PSD3: variants seen among roughly 807,000 people sequenced by gnomAD.
The protein encoded by PSD3 is pleckstrin and Sec7 domain containing 3, also known as PH and SEC7 domain-containing protein 3.
PSD3 carries 49 observed loss-of-function variants against 105.5 expected under a neutral mutation model. The ratio of observed to expected loss-of-function variants is 0.46; its 90% confidence interval spans 0.37 to 0.59. The LOEUF (loss-of-function observed/expected upper bound fraction) is 0.59, where lower values mean the gene tolerates loss of function less well. Among genes scored for constraint, PSD3 ranks in the 20% least tolerant of loss-of-function variants. The pLI is 0.00. For missense variants in PSD3, 1,561 were observed against 1,263.8 expected (o/e 1.24, Z -3.57); for synonymous variants, 557 against 457.8 (o/e 1.22, Z -2.77).
intron 9 of PSD3, among the ~76,000 whole-genome samples, chr8:18,757,769 T>C (rs1313061587): frequency 6.6e-6 from 1 of 152,228 alleles, no homozygotes; most frequent in Non-Finnish European, 1.5e-5. Context: ...CATAGGATCA[T>C]GTTACTTTCC....
chr8:18,616,836 G>T (rs1442807833), intron 11 of PSD3, among the ~76,000 whole-genome samples: 2 of 151,346 alleles, frequency 1.3e-5, no homozygotes, highest in African/African-American at 2.4e-5. Flanking sequence ...TTTTAGCCGG[G>T]ATGGTCTCGA....
chr8:18,588,702 A>T (rs2634451), intron 12 of PSD3, among the ~76,000 whole-genome samples: 50,925 of 152,164 alleles, frequency 0.33, 9,273 homozygotes, highest in Non-Finnish European at 0.43. Flanking sequence ...TTGGAGCTCT[A>T]ATCCAAGCTG....
chr8:18,820,659 A>T (rs1241124748), intron 4 of PSD3, among the ~76,000 whole-genome samples: 3 of 147,954 alleles, frequency 2.0e-5, no homozygotes, highest in East Asian at 2.1e-4. Context: ...CTTTTTTTTT[A>T]AATCTATTTT....
At chr8:19,010,785 T>A (rs1389401031) in intron 1 of PSD3, among the ~76,000 whole-genome samples, 1 of 152,040 alleles carries the variant, frequency 6.6e-6, no homozygotes, top group African/African-American at 2.4e-5. Flanking sequence ...TGTACTCTCC[T>A]AAATGAAAGC....
intron 11 of PSD3, among the ~76,000 whole-genome samples, chr8:18,631,981 G>A (rs934582878): frequency 1.3e-5 from 2 of 151,956 alleles, no homozygotes; most frequent in Non-Finnish European, 2.9e-5. Context: ...ATATAAGCAT[G>A]CTCTATTCTT....
intron 15 of PSD3, among the ~76,000 whole-genome samples, chr8:18,538,377 C>T (rs1446463123): frequency 6.6e-6 from 1 of 152,154 alleles, no homozygotes; most frequent in Non-Finnish European, 1.5e-5. Flanking sequence ...TCAGTAGATG[C>T]ACTATGAAAT....
intron 1 of PSD3, among the ~76,000 whole-genome samples, chr8:18,944,775 AT>A (rs1450591847): frequency 1.2e-4 from 18 of 151,894 alleles, no homozygotes; most frequent in African/African-American, 4.4e-4. Flanking sequence ...TTGCTTTTTT[AT>A]TTCAGTGCTC....
At chr8:18,630,310 T>C (rs1208882319) in intron 11 of PSD3, among the ~76,000 whole-genome samples, 1 of 151,942 alleles carries the variant, frequency 6.6e-6, no homozygotes, top group Non-Finnish European at 1.5e-5. Flanking sequence ...TGGTACAAGG[T>C]GTCTGTGATG....
upstream of PSD3, among the ~76,000 whole-genome samples, chr8:19,017,401 A>G (rs778478041): frequency 9.2e-5 from 14 of 152,176 alleles, no homozygotes; most frequent in Non-Finnish European, 1.5e-4. Flanking sequence ...AAACAGCTTT[A>G]TCAAGATCCA....
intron 2 of PSD3, among the ~76,000 whole-genome samples, chr8:18,915,689 A>T (rs1820535500): frequency 1.3e-5 from 2 of 152,218 alleles, no homozygotes; most frequent in Non-Finnish European, 2.9e-5. Context: ...TATCACCTCG[A>T]ATCTGTTAGA....
intron 11 of PSD3, among the ~76,000 whole-genome samples, chr8:18,617,190 T>C (rs1407706743): frequency 6.6e-6 from 1 of 152,196 alleles, no homozygotes; most frequent in African/African-American, 2.4e-5. Context: ...CATTTTACTA[T>C]GTACACACAT....
chr8:18,743,849 G>C (rs13251117), intron 9 of PSD3, among the ~76,000 whole-genome samples: 9 of 151,718 alleles, frequency 5.9e-5, no homozygotes, highest in Non-Finnish European at 1.3e-4. Context: ...CTTTGAGGGG[G>C]GAGGTTAAGG....
intron 12 of PSD3, among the ~76,000 whole-genome samples, chr8:18,580,396 T>C (rs1802735370): frequency 1.3e-5 from 2 of 152,014 alleles, no homozygotes; most frequent in Admixed American, 6.6e-5. Flanking sequence ...CCAGTAAACT[T>C]TTACAAAACC....
intron 1 of PSD3, among the ~76,000 whole-genome samples, chr8:18,946,059 G>C (rs1480680773): frequency 6.6e-6 from 1 of 152,174 alleles, no homozygotes; most frequent in Non-Finnish European, 1.5e-5. Context: ...TCATTAATGA[G>C]ATAATCACAA....
chr8:18,991,373 T>TACACACAC (rs71545538), intron 1 of PSD3, among the ~76,000 whole-genome samples: 119 of 100,078 alleles, frequency 1.2e-3, no homozygotes, highest in Middle Eastern at 5.3e-3. Flanking sequence ...CACACACACA[T>TACACACAC]ACACACACAC....
intron 2 of PSD3, among the ~76,000 whole-genome samples, chr8:18,910,128 CA>C (rs1224106095): frequency 1.3e-5 from 2 of 152,114 alleles, no homozygotes; most frequent in Non-Finnish European, 2.9e-5. Context: ...GTCTCCATCC[CA>C]TTACTGGGTA....
intron 8 of PSD3, among the ~76,000 whole-genome samples, chr8:18,798,783 T>A (rs1044247271): frequency 6.6e-6 from 1 of 152,158 alleles, no homozygotes; most frequent in Non-Finnish European, 1.5e-5. Context: ...TATATAATTA[T>A]ACATTTTAAC....
chr8:18,810,177 A>G (rs903664044), intron 4 of PSD3, among the ~76,000 whole-genome samples: 5 of 152,148 alleles, frequency 3.3e-5, no homozygotes, highest in East Asian at 1.9e-4. Context: ...TCTTAGTGCT[A>G]TCTTTTAAAA....
At chr8:18,545,600 TA>T (rs1395973111) in intron 15 of PSD3, among the ~76,000 whole-genome samples, 1 of 152,242 alleles carries the variant, frequency 6.6e-6, no homozygotes, top group Non-Finnish European at 1.5e-5. Flanking sequence ...TGCCTAAGGA[TA>T]AAAGTTTGTC....
Sources: gnomAD v4.1 joint callset for allele counts (sites outside exome capture counted in the v4.1 genomes callset) on GRCh38, gnomAD v4.1.1 for gene constraint, MANE v1.5 for transcripts, NCBI Gene and HGNC (gene_info 2026-07-23, HGNC 2026-07-21) for gene names.